NRL: variants seen among roughly 807,000 people sequenced by gnomAD.
The protein encoded by NRL is neural retina leucine zipper, also known as neural retina-specific leucine zipper protein.
A neutral mutation model predicts 12.5 loss-of-function variants in NRL; 16 were observed. The observed-to-expected ratio is 1.28, with a 90% CI of 0.87 to 1.95. The LOEUF (loss-of-function observed/expected upper bound fraction) is 1.95, where lower values mean the gene tolerates loss of function less well. NRL is among the 30% of genes most tolerant of loss of function. NRL has a pLI of 0.00. For missense variants in NRL, 314 were observed against 325.8 expected (o/e 0.96, Z 0.28); for synonymous variants, 142 against 150.9 (o/e 0.94, Z 0.43).
chr14:24,108,134 C>G (rs146205691), intron 1 of NRL, among the ~76,000 whole-genome samples: 2 of 152,280 alleles, frequency 1.3e-5, no homozygotes, highest in African/African-American at 4.8e-5. Context: ...TCATTGTGTT[C>G]ATTTCCTTCC....
rs757264631 is a variant in NRL at position 24,080,438 on chromosome 14, G to A, written c.*798C>T. On this transcript the variant is annotated 3_prime_UTR_variant, in exon 3 of 3. Coordinates refer to ENST00000561028, the MANE Select transcript of NRL (RefSeq NM_001354768.3). ...GTGCCTTTGGCGAGATTGTCTTGGG[G>A]ACTTCTTGGGGAGACCACCGGGACT... 7 of 152,484 alleles carry A rather than the reference G, an allele frequency of 4.6e-5. No homozygotes were observed. Among genetic ancestry groups the A allele is most frequent in the Non-Finnish European group, 1.0e-4 (7 of 68,054 alleles). 9.4% of individuals were successfully genotyped at this position (152,484 alleles called of 1,614,324 possible).
At chr14:24,113,938 G>A (rs1318733635) in intron 1 of NRL, among the ~76,000 whole-genome samples, 1 of 152,234 alleles carries the variant, frequency 6.6e-6, no homozygotes, top group Non-Finnish European at 1.5e-5. Flanking sequence ...GAGACAGCAA[G>A]GTCATTCAAC....
chr14:24,099,936 G>C (rs2037089034), intron 1 of NRL: 4 of 1,613,632 alleles, frequency 2.5e-6, no homozygotes, highest in African/African-American at 1.3e-5. Flanking sequence ...GACCTTCTTT[G>C]GTCTTACATC....
At position 24,091,119 on chromosome 14, in the gene NRL, CTGTGTGTGTG is replaced by C. The variant is rs55656236; in HGVS notation, c.-27-8254_-27-8245del. ...ATTCTAAGGGACGAACAGAAAAGGC[CTGTGTGTGTG>C]TGTGTGTGTGTGTGTGTGTGTGTGT... On this transcript the variant is annotated intron_variant, in intron 1 of 2. Coordinates refer to ENST00000561028, the MANE Select transcript of NRL (RefSeq NM_001354768.3). Among the ~76,000 whole-genome samples the C allele has an allele frequency of 7.9e-3, 1,095 of 138,718 alleles. 8 individuals carry two copies. The highest frequency in any genetic ancestry group is 0.016 in the East Asian group (75 of 4,732). 91.0% of individuals were successfully genotyped at this position (138,718 alleles called of 152,430 possible).
chr14:24,090,481 G>A (rs543030296), intron 1 of NRL, among the ~76,000 whole-genome samples: 3 of 152,252 alleles, frequency 2.0e-5, no homozygotes, highest in South Asian at 2.1e-4. Context: ...CCCAGGAAGC[G>A]GGCATTGCAT....
chr14:24,102,439 C>A (rs1419897946), intron 1 of NRL, among the ~76,000 whole-genome samples: 1 of 152,142 alleles, frequency 6.6e-6, no homozygotes, highest in African/African-American at 2.4e-5. Flanking sequence ...ATGCCCATAT[C>A]TAACCCCATT....
chr14:24,113,573 G>C (rs1170658053), intron 1 of NRL, among the ~76,000 whole-genome samples: 1 of 152,210 alleles, frequency 6.6e-6, no homozygotes, highest in Non-Finnish European at 1.5e-5. Context: ...ATAATCAGTG[G>C]AGCCGAGTGC....
intron 1 of NRL, among the ~76,000 whole-genome samples, chr14:24,092,124 C>T (rs777836601): frequency 3.9e-5 from 6 of 152,298 alleles, no homozygotes; most frequent in South Asian, 4.1e-4. Context: ...ACCTACTGTC[C>T]ATAGCATAAA....
At chr14:24,093,014 C>T (rs1230082523) in intron 1 of NRL, among the ~76,000 whole-genome samples, 1 of 152,198 alleles carries the variant, frequency 6.6e-6, no homozygotes, top group Non-Finnish European at 1.5e-5. Context: ...GAAAAAGTCC[C>T]AGAGAGGGAT....
At chr14:24,096,826 C>T in intron 1 of NRL, 1 of 1,464,350 alleles carries the variant, frequency 6.8e-7, no homozygotes, top group Admixed American at 1.7e-5. Flanking sequence ...CTTTCTGTCT[C>T]TCCACCACCT....
chr14:24,091,175 G>C (rs1317689936), intron 1 of NRL, among the ~76,000 whole-genome samples: 2 of 150,672 alleles, frequency 1.3e-5, no homozygotes, highest in Non-Finnish European at 3.0e-5. Context: ...GTTAGAGACA[G>C]AGTCTCACTG....
At chr14:24,104,812 C>G (rs1375165903) in intron 1 of NRL, among the ~76,000 whole-genome samples, 2 of 152,182 alleles carry the variant, frequency 1.3e-5, no homozygotes, top group Non-Finnish European at 2.9e-5. Context: ...ATTTGTTCTT[C>G]CCCCTGCCTG....
intron 1 of NRL, among the ~76,000 whole-genome samples, chr14:24,108,403 T>C (rs1354781582): frequency 6.6e-6 from 1 of 152,174 alleles, no homozygotes; most frequent in Non-Finnish European, 1.5e-5. Flanking sequence ...AGTAGCGTGA[T>C]CACAGCTCAC....
intron 1 of NRL, among the ~76,000 whole-genome samples, chr14:24,108,002 C>G (rs1482103089): frequency 6.6e-6 from 1 of 152,172 alleles, no homozygotes; most frequent in South Asian, 2.1e-4. Context: ...ATTAAATTGA[C>G]CTTATTAAAT....
intron 1 of NRL, among the ~76,000 whole-genome samples, chr14:24,095,803 C>T (rs540149572): frequency 1.1e-4 from 16 of 152,338 alleles, no homozygotes; most frequent in Middle Eastern, 6.8e-3. Context: ...GACAACAGGA[C>T]GCTGACCTCC....
At chr14:24,100,622 A>G (rs2037125732) in intron 1 of NRL, 1 of 1,028,996 alleles carries the variant, frequency 9.7e-7, no homozygotes, top group Non-Finnish European at 1.2e-6. Context: ...ATTCTTACAG[A>G]AGGTATTGGG....
chr14:24,114,582 C>T, intron 1 of NRL, 140 bp downstream of exon 1: 1 of 737,288 alleles, frequency 1.4e-6, no homozygotes, highest in Non-Finnish European at 1.7e-6. Flanking sequence ...CCCCGCCTCT[C>T]AGCCGTTACG....
At chr14:24,110,338 TG>T in intron 1 of NRL, 1 of 398,724 alleles carries the variant, frequency 2.5e-6, no homozygotes, top group Non-Finnish European at 5.1e-6. Context: ...CAAATTCCTG[TG>T]GTCAAGCGAG....
In NRL at chr14:24,094,399, A is replaced by G. The variant is rs1405471851; in HGVS notation, c.-27-11524T>C. On this transcript the variant is annotated intron_variant, in intron 1 of 2. Transcript: ENST00000561028. The surrounding 1 kb of genome is among the most constrained non-coding windows in gnomAD (Gnocchi z 4.1). Reference sequence around the variant, plus strand: ...CCTGGCCACCCCGCAGCCCCTGCCCAGGTGCCATGGCCGCATTGTACCGCC... The same window carrying G: ...CCTGGCCACCCCGCAGCCCCTGCCCGGGTGCCATGGCCGCATTGTACCGCC... 6.4e-7 allele frequency: 1 copy of G among 1,555,848 alleles called. No individual in the cohort carries two copies. Among genetic ancestry groups the G allele is most frequent in the Non-Finnish European group, 8.7e-7 (1 of 1,155,164 alleles).
Sources: allele counts gnomAD v4.1 joint callset (sites outside exome capture counted in the v4.1 genomes callset), GRCh38; gene constraint gnomAD v4.1.1; non-coding constraint Gnocchi (gnomAD v3.1); transcripts MANE v1.5; gene names NCBI Gene and HGNC (gene_info 2026-07-23, HGNC 2026-07-21).